Variants in ARHGEF9 observed in about 807,000 individuals in gnomAD.
ARHGEF9 encodes the protein rho guanine nucleotide exchange factor 9.
ARHGEF9 carries 2 observed loss-of-function variants against 41.3 expected under a neutral mutation model. That is an observed-to-expected ratio of 0.05 (90% CI 0.02 to 0.15). The LOEUF (loss-of-function observed/expected upper bound fraction) is 0.15. Among genes scored for constraint, ARHGEF9 ranks in the 10% least tolerant of loss-of-function variants. The pLI is 1.00. For synonymous variants in ARHGEF9, 160 were observed against 154.4 expected (o/e 1.04, Z -0.27); for missense variants, 225 against 424.7 (o/e 0.53, Z 4.13).
chrX:63,708,163 A>G (rs2052679785), intron 2 of ARHGEF9, among the ~76,000 whole-genome samples: 1 of 111,879 alleles, frequency 8.9e-6, no homozygotes, highest in Non-Finnish European at 1.9e-5. Flanking sequence ...AGGCACTGAA[A>G]CAAACATCTC....
intron 2 of ARHGEF9, among the ~76,000 whole-genome samples, chrX:63,710,446 A>G (rs1201947391): frequency 9.0e-6 from 1 of 111,094 alleles, no homozygotes; most frequent in Non-Finnish European, 1.9e-5. Flanking sequence ...CTAGCAAACC[A>G]AATCCAGCAA....
At position 63,665,877 on chromosome X, in the gene ARHGEF9, C is replaced by T. The variant is rs2147265560; in HGVS notation, c.1077+9G>A. ...CCATCTCCCTCAGGGAAGAAGGGGG[C>T]AGGGTTACCTTCTTGCAGAGGACCA... On this transcript the variant is annotated intron_variant, in intron 7 of 9. Coordinates refer to ENST00000671741, the MANE Select transcript of ARHGEF9 (RefSeq NM_001353921.2). 1 of 1,209,885 alleles carries T rather than the reference C, an allele frequency of 8.3e-7. No individual in the cohort carries two copies. Among genetic ancestry groups the T allele is most frequent in the Non-Finnish European group, 1.1e-6 (1 of 894,719 alleles).
intron 4 of ARHGEF9, among the ~76,000 whole-genome samples, chrX:63,684,037 T>C (rs1279428609): frequency 9.0e-6 from 1 of 110,558 alleles, no homozygotes; most frequent in Non-Finnish European, 1.9e-5. Flanking sequence ...GCCTATAGAC[T>C]GAGTGAAAAT....
chrX:63,733,128 T>C (rs1303442372), intron 1 of ARHGEF9, among the ~76,000 whole-genome samples: 1 of 112,452 alleles, frequency 8.9e-6, no homozygotes, highest in Non-Finnish European at 1.9e-5. Context: ...GCTTAATCCA[T>C]AATGAACAAT....
intron 2 of ARHGEF9, among the ~76,000 whole-genome samples, chrX:63,712,554 C>A (rs1227049829): frequency 9.0e-6 from 1 of 110,786 alleles, no homozygotes; most frequent in African/African-American, 3.3e-5. Context: ...ATATATATAT[C>A]AAAACATTAC....
intron 1 of ARHGEF9, among the ~76,000 whole-genome samples, chrX:63,731,606 C>A (rs1556420074): frequency 1.0e-5 from 1 of 96,515 alleles, no homozygotes; most frequent in African/African-American, 3.9e-5. Flanking sequence ...GTTGCCCAGG[C>A]TGGAGCGCAG....
At chrX:63,730,551 G>T (rs1351429809) in intron 1 of ARHGEF9, among the ~76,000 whole-genome samples, 1 of 112,029 alleles carries the variant, frequency 8.9e-6, no homozygotes, top group Admixed American at 9.4e-5. Flanking sequence ...GGCCACATAG[G>T]CCTTGAGTAT....
In ARHGEF9 at chrX:63,754,419, T is replaced by C; in HGVS notation, c.31-29708A>G. 3 of 1,180,438 alleles carry C rather than the reference T, an allele frequency of 2.5e-6. No individual in the cohort carries two copies. The East Asian group carries it at 9.1e-5, about 36-fold the overall frequency. On this transcript the variant is annotated intron_variant, in intron 1 of 9. Transcript: ENST00000671741. Reference sequence around the variant, plus strand: ...TGTCTCTGTCTGTGATTTTTTTTTTTTCTCGGTGGCTCTCGGGATGAAATC... The same window carrying C: ...TGTCTCTGTCTGTGATTTTTTTTTTCTCTCGGTGGCTCTCGGGATGAAATC...
At chrX:63,695,826 G>A (rs782615483) in intron 4 of ARHGEF9, among the ~76,000 whole-genome samples, 2 of 111,651 alleles carry the variant, frequency 1.8e-5, no homozygotes, top group African/African-American at 6.5e-5. Context: ...ACACTAGGCA[G>A]AAGGTGTCTA....
chrX:63,720,201 C>G (rs1396353069), intron 2 of ARHGEF9, among the ~76,000 whole-genome samples: 2 of 111,852 alleles, frequency 1.8e-5, no homozygotes, highest in Admixed American at 1.9e-4. Flanking sequence ...CAGAGTCAAG[C>G]TACAAAAACC....
At position 63,781,819 on chromosome X, in the gene ARHGEF9, T is replaced by C. The variant is rs1334983962; in HGVS notation, c.30+3297A>G. ...GTTTTCTCTCTGATTTCATCTATCC[T>C]TCTTCCATGTACTAATTCTTTATCC... On this transcript the variant is annotated intron_variant, in intron 1 of 9. Coordinates refer to ENST00000671741, the MANE Select transcript of ARHGEF9 (RefSeq NM_001353921.2). Among the ~76,000 whole-genome samples the C allele has an allele frequency of 6.2e-5, 7 of 112,357 alleles. No individual in the cohort carries two copies. The East Asian group carries it at 2.0e-3, about 32-fold the overall frequency.
At chrX:63,705,397 G>A (rs1240662098) in intron 3 of ARHGEF9, among the ~76,000 whole-genome samples, 1 of 107,668 alleles carries the variant, frequency 9.3e-6, no homozygotes, top group African/African-American at 3.5e-5. Flanking sequence ...GTGTGTGTGT[G>A]TGTGTTTAAT....
At chrX:63,660,313 T>C (rs2049138432) in intron 7 of ARHGEF9, among the ~76,000 whole-genome samples, 1 of 111,465 alleles carries the variant, frequency 9.0e-6, no homozygotes, top group South Asian at 3.8e-4. Context: ...ATACCGCATG[T>C]TCTCGCTTAC....
chrX:63,637,914 GTC>G lies in ARHGEF9; in HGVS notation c.*112_*113del. 1.8e-6 allele frequency: 1 copy of G among 559,883 alleles called. No individual in the cohort carries two copies. Among genetic ancestry groups the G allele is most frequent in the Non-Finnish European group, 2.8e-6 (1 of 358,777 alleles). The allele number at this position is 559,883 out of a possible 1,213,427, so 46.1% of individuals were successfully genotyped here. ...TGTGTGTGTGTATGTGTACTCAAGG[GTC>G]TCTGTGTGTGTGTGTGTGTATAAAT... On this transcript the variant is annotated 3_prime_UTR_variant, in exon 10 of 10. Coordinates refer to ENST00000671741, the MANE Select transcript of ARHGEF9 (RefSeq NM_001353921.2).
chrX:63,703,345 G>C (rs2052312793), intron 3 of ARHGEF9: 1 of 112,208 alleles, frequency 8.9e-6, no homozygotes, highest in Non-Finnish European at 1.9e-5. Flanking sequence ...AAGAGGCCAA[G>C]ATGTGTGGGA....
chrX:63,688,662 C>G (rs2051136862), intron 4 of ARHGEF9, among the ~76,000 whole-genome samples: 1 of 111,829 alleles, frequency 8.9e-6, no homozygotes, highest in South Asian at 3.7e-4. Context: ...CCCACCTACT[C>G]AGGAAGCTGA....
chrX:63,648,657 C>G (rs1180044716), intron 8 of ARHGEF9, among the ~76,000 whole-genome samples: 1 of 111,254 alleles, frequency 9.0e-6, no homozygotes, highest in East Asian at 2.8e-4. Flanking sequence ...CAGACTGGCA[C>G]ATTGGATAAA....
At chrX:63,734,985 A>T (rs1184862975) in intron 1 of ARHGEF9, among the ~76,000 whole-genome samples, 1 of 110,917 alleles carries the variant, frequency 9.0e-6, no homozygotes, top group Non-Finnish European at 1.9e-5. Context: ...GGTTACCCTG[A>T]CCTTCACCCA....
At chrX:63,647,289 G>C (rs2048174868) in intron 8 of ARHGEF9, among the ~76,000 whole-genome samples, 6 of 111,899 alleles carry the variant, frequency 5.4e-5, no homozygotes, top group Admixed American at 1.9e-4. Context: ...TGGTGACAGA[G>C]GGCATCCCTG....
Sources: allele counts gnomAD v4.1 joint callset (sites outside exome capture counted in the v4.1 genomes callset), GRCh38; gene constraint gnomAD v4.1.1; transcripts MANE v1.5; gene names NCBI Gene and HGNC (gene_info 2026-07-23, HGNC 2026-07-21).